Variants in BBS2 observed in about 807,000 individuals in gnomAD.
BBS2 encodes the protein BBSome complex member BBS2.
BBS2 carries 62 observed loss-of-function variants against 83.0 expected under a neutral mutation model. The observed-to-expected ratio is 0.75, with a 90% CI of 0.61 to 0.92. BBS2 has a LOEUF of 0.92. BBS2 is among the 40% of genes least tolerant of loss of function. BBS2 has a pLI of 0.00. For synonymous variants in BBS2, 303 were observed against 326.1 expected, an observed-to-expected ratio of 0.93 and a Z score of 0.76; for missense variants, 784 against 901.0, an observed-to-expected ratio of 0.87 and a Z score of 1.66.
chr16:56,476,435 A>T, intron 17 of BBS2: 1 of 353,192 alleles, frequency 2.8e-6, no homozygotes. Context: ...TTTTTTTTTA[A>T]CATTTAGTCC....
chr16:56,501,602 T>C (rs1214355537), intron 9 of BBS2, 105 bp from the exon 10 acceptor site: 4 of 1,250,024 alleles, frequency 3.2e-6, no homozygotes, highest in Non-Finnish European at 4.6e-6. Flanking sequence ...GCCTCCAGCA[T>C]ATTATTATTA....
chr16:56,514,604 T>C lies in BBS2; in HGVS notation c.194A>G (p.Asp65Gly), dbSNP rs746643609. Residue 65 changes from aspartate (D) to glycine (G), a missense_variant, in exon 2 of 17, where the codon GAT becomes GGT. Physicochemically the swap from Asp to Gly is moderately conservative, Grantham distance 94. Coordinates refer to ENST00000245157, the MANE Select transcript of BBS2 (RefSeq NM_031885.5). Reference protein sequence around the residue: ...SRVFQSPLESDVSLLSINQAV... With the variant: ...SRVFQSPLESGVSLLSINQAV... ...CTGGTTAATGCTGAGAAGAGAAACA[T>C]CAGATTCCAGGGGGCTCTGGAAGAC... 1 of 1,614,160 alleles carries C rather than the reference T, an allele frequency of 6.2e-7. No homozygotes were observed. The highest frequency in any genetic ancestry group is 1.1e-5 in the South Asian group (1 of 91,082).
rs886052152 is a variant in BBS2, at chr16:56,519,995, G to A, written c.-133C>T. The stretch of plus-strand genomic sequence containing the variant: ...GCCGCCTCAGGCCGGACGCGAAACA[G>A]CCCGGGACGAACCCGTCCAGGTACC... On this transcript the variant is annotated 5_prime_UTR_variant, in exon 1 of 17. Transcript: ENST00000245157. 1.3e-6 allele frequency: 1 copy of A among 782,238 alleles called. No homozygotes were observed. Among genetic ancestry groups the A allele is most frequent in the Non-Finnish European group, 2.2e-6 (1 of 455,156 alleles). 48.5% of individuals were successfully genotyped at this position (782,238 alleles called of 1,614,324 possible).
intron 11 of BBS2, 152 bp from the exon 12 acceptor site, chr16:56,500,059 G>C: frequency 1.2e-6 from 1 of 801,914 alleles, no homozygotes; most frequent in Non-Finnish European, 2.1e-6. Flanking sequence ...GAGGGTTAAA[G>C]TACTACAGTA....
chr16:56,488,337 T>C (rs1963845893), intron 15 of BBS2, among the ~76,000 whole-genome samples: 1 of 152,208 alleles, frequency 6.6e-6, no homozygotes, highest in African/African-American at 2.4e-5. Flanking sequence ...TGACTTCAGA[T>C]ACATATCACA....
rs187138162 is a variant in BBS2 at position 56,487,984 on chromosome 16, T to C, written c.1911-2246A>G. Reference sequence around the variant, plus strand: ...TTCAGGTTTAAGAGATAAAGAATTATAGAGATGCTGCTGGTGGTGATGGTT... The same window carrying C: ...TTCAGGTTTAAGAGATAAAGAATTACAGAGATGCTGCTGGTGGTGATGGTT... On this transcript the variant is annotated intron_variant, in intron 15 of 16. Coordinates refer to ENST00000245157, the MANE Select transcript of BBS2 (RefSeq NM_031885.5). Among the ~76,000 whole-genome samples the C allele has an allele frequency of 3.3e-5, 5 of 152,320 alleles. No homozygotes were observed. In the East Asian group the frequency reaches 9.6e-4, roughly 29 times the overall value.
At chr16:56,509,904 A>C (rs1370517395) in intron 5 of BBS2, 53 bp downstream of exon 5, 1 of 1,576,852 alleles carries the variant, frequency 6.3e-7, no homozygotes, top group Non-Finnish European at 8.7e-7. Context: ...TTCATCTGAC[A>C]GTACTGATCT....
intron 5 of BBS2, 49 bp downstream of exon 5, chr16:56,509,908 C>T (rs1964529700): frequency 6.3e-7 from 1 of 1,584,600 alleles, no homozygotes; most frequent in African/African-American, 1.3e-5. Context: ...TCTGACAGTA[C>T]TGATCTATCT....
intron 17 of BBS2, chr16:56,478,267 TCC>T (rs1465659095): frequency 6.6e-6 from 1 of 152,218 alleles, no homozygotes; most frequent in Non-Finnish European, 1.5e-5. Flanking sequence ...CAAGCAATTC[TCC>T]TGCCTCAGCC....
At chr16:56,517,989 G>T (rs1414474157) in intron 1 of BBS2, among the ~76,000 whole-genome samples, 1 of 151,954 alleles carries the variant, frequency 6.6e-6, no homozygotes, top group Admixed American at 6.6e-5. Flanking sequence ...GCTAATTTTT[G>T]TATTTTTAGT....
At chr16:56,484,946 A>AT in intron 16 of BBS2, 79 bp from the exon 17 acceptor site, 1 of 1,079,492 alleles carries the variant, frequency 9.3e-7, no homozygotes, top group Admixed American at 1.9e-5. Flanking sequence ...TTAAAACAAC[A>AT]TAAAACCAGG....
In BBS2 at chr16:56,501,064, A is replaced by G. The variant is rs778644202; in HGVS notation, c.1226-39T>C. On this transcript the variant is annotated intron_variant, in intron 10 of 16. Coordinates refer to ENST00000245157, the MANE Select transcript of BBS2 (RefSeq NM_031885.5). The stretch of plus-strand genomic sequence containing the variant: ...TAAAAACAGTTTAAGAACAACTCCA[A>G]CTTTGGGAAGCTGAGGTGGGCAGAT... 16 of 1,609,190 alleles carry G rather than the reference A, an allele frequency of 9.9e-6. No individual in the cohort carries two copies. In the African/African-American group the frequency reaches 1.6e-4, roughly 16 times the overall value.
chr16:56,496,062 G>A (rs1269921051), intron 15 of BBS2, among the ~76,000 whole-genome samples: 4 of 152,060 alleles, frequency 2.6e-5, no homozygotes, highest in African/African-American at 9.7e-5. Context: ...TTACCTCTGA[G>A]CAAAACCATT....
intron 15 of BBS2, among the ~76,000 whole-genome samples, chr16:56,488,523 C>T (rs748303497): frequency 2.0e-5 from 3 of 152,140 alleles, no homozygotes; most frequent in Non-Finnish European, 4.4e-5. Context: ...ATGCATAGAA[C>T]GAAGTATTAG....
At chr16:56,493,464 G>A (rs913168599) in intron 15 of BBS2, among the ~76,000 whole-genome samples, 8 of 151,558 alleles carry the variant, frequency 5.3e-5, no homozygotes, top group Non-Finnish European at 1.0e-4. Flanking sequence ...GACATGAAGA[G>A]GGGTGTGTGT....
chr16:56,498,855 C>T (rs913637201), intron 12 of BBS2: 1 of 575,596 alleles, frequency 1.7e-6, no homozygotes, highest in African/African-American at 1.9e-5. Context: ...GCATCTTCTA[C>T]TTAGACATAG....
At position 56,493,874 on chromosome 16, in the gene BBS2, A is replaced by G. The variant is rs535102502; in HGVS notation, c.1910+3093T>C. Among the ~76,000 whole-genome samples, 7 of 152,366 alleles carry G rather than the reference A, an allele frequency of 4.6e-5. No individual in the cohort carries two copies. In the South Asian group the frequency reaches 1.2e-3, roughly 27 times the overall value. ...ACTGTTTTCAGCAATCATATTGTTG[A>G]TAACAACTTGGCTAATATTCTTAAA... On this transcript the variant is annotated intron_variant, in intron 15 of 16. Transcript: ENST00000245157.
At position 56,514,513 on chromosome 16, in the gene BBS2, C is replaced by T. The variant is rs752531652; in HGVS notation, c.285G>A (p.Gly95=). 1.2e-6 allele frequency: 2 copies of T among 1,614,094 alleles called. No individual in the cohort carries two copies. The highest frequency in any genetic ancestry group is 1.7e-5 in the Admixed American group (1 of 60,020). Residue 95 remains glycine (G), a synonymous_variant, in exon 2 of 17, where the codon GGG becomes GGA. Transcript: ENST00000245157. ...PELGYDALLV[G]TQTNLLAYDV... is the part of the protein sequence containing the mutation. ...CATAAGCCAAAAGATTAGTCTGTGT[C>T]CCCACTAAAAGGGCATCATAGCCAA...
At chr16:56,470,855 AT>A in intron 17 of BBS2, 1 of 1,430,902 alleles carries the variant, frequency 7.0e-7, no homozygotes, top group Non-Finnish European at 9.3e-7. Flanking sequence ...ACATGTATTC[AT>A]TCAACAAACA....
Sources: allele counts gnomAD v4.1 joint callset (sites outside exome capture counted in the v4.1 genomes callset), GRCh38; gene constraint gnomAD v4.1.1; transcripts MANE v1.5; gene names NCBI Gene and HGNC (gene_info 2026-07-23, HGNC 2026-07-21).